The following USP6NL variants were observed in gnomAD, a reference collection of about 807,000 sequenced individuals.
USP6NL encodes the protein USP6 N-terminal like.
USP6NL carries 26 observed loss-of-function variants against 61.9 expected under a neutral mutation model. The observed-to-expected ratio is 0.42, with a 90% CI of 0.31 to 0.58. The LOEUF is 0.58. Among genes scored for constraint, USP6NL ranks in the 20% least tolerant of loss-of-function variants. USP6NL has a pLI of 0.16. For synonymous variants in USP6NL, 432 were observed against 390.1 expected (o/e 1.11, Z -1.27); for missense variants, 1,114 against 1,034.3 (o/e 1.08, Z -1.06).
At chr10:11,556,400 G>A (rs976060665) in intron 2 of USP6NL, among the ~76,000 whole-genome samples, 1 of 152,082 alleles carries the variant, frequency 6.6e-6, no homozygotes, top group Non-Finnish European at 1.5e-5. Context: ...TAGAAAGATA[G>A]AAACAGAAAG....
rs1199262626 is a variant in USP6NL at position 11,463,492 on chromosome 10, A to G, written c.1436T>C (p.Ile479Thr). The change falls in exon 15 of 15, where the codon ATC becomes ACC. Residue 479 changes from isoleucine to threonine, a missense_variant. Ile to Thr is a moderately conservative substitution (Grantham distance 89, BLOSUM62 -1). Transcript: ENST00000609104. The surrounding 1 kb of genome is among the most constrained non-coding windows in gnomAD (Gnocchi z 6.3). ...ANQNSNATSN[I>T]RKEFVPKWNK... ...CCATTTGGGCACAAACTCCTTCCTG[A>G]TATTTGAAGTGGCGTTGCTATTTTG... 3 of 1,613,890 alleles carry G rather than the reference A, an allele frequency of 1.9e-6. No homozygotes were observed. The highest frequency in any genetic ancestry group is 2.5e-6 in the Non-Finnish European group (3 of 1,179,866).
At chr10:11,486,057 A>G (rs1833454091) in intron 10 of USP6NL, 146 bp from the exon 11 acceptor site, 1 of 554,546 alleles carries the variant, frequency 1.8e-6, no homozygotes. Context: ...CCCACCTAGG[A>G]AAAAACTGTA....
intron 2 of USP6NL, among the ~76,000 whole-genome samples, chr10:11,543,803 G>GGTTTT: frequency 1.3e-5 from 1 of 76,392 alleles, no homozygotes; most frequent in Non-Finnish European, 2.5e-5. Context: ...AAATATTTAG[G>GGTTTT]TTTTTTTTTT....
chr10:11,464,144 A>C (rs1257551798), intron 14 of USP6NL, among the ~76,000 whole-genome samples: 1 of 152,250 alleles, frequency 6.6e-6, no homozygotes, highest in Non-Finnish European at 1.5e-5. Context: ...TCCTCTGAGC[A>C]TGGGCCTTGA....
intron 2 of USP6NL, among the ~76,000 whole-genome samples, chr10:11,543,806 T>TC: frequency 8.7e-6 from 1 of 114,524 alleles, no homozygotes; most frequent in Non-Finnish European, 1.8e-5. Context: ...TATTTAGGTT[T>TC]TTTTTTTTTT....
chr10:11,565,112 A>G (rs1281788657), intron 2 of USP6NL: 1 of 152,236 alleles, frequency 6.6e-6, no homozygotes, highest in Non-Finnish European at 1.5e-5. Context: ...TTTAAAGTGA[A>G]AAATAACCTA....
chr10:11,570,655 A>C (rs915846229), intron 2 of USP6NL, among the ~76,000 whole-genome samples: 1 of 152,246 alleles, frequency 6.6e-6, no homozygotes, highest in Non-Finnish European at 1.5e-5. Context: ...AATAAACATG[A>C]GGCTTTTAAA....
In USP6NL at chr10:11,520,059, G is replaced by C. The variant is rs1378346173; in HGVS notation, c.156-1485C>G. ...ACACAAAAGAATAACCGCCAAAAGA[G>C]ATCTTAGAGTCCAAATCTCTCATTT... On this transcript the variant is annotated intron_variant, in intron 4 of 14. Coordinates refer to ENST00000609104, the MANE Select transcript of USP6NL (RefSeq NM_014688.5). This position sits in a 1 kb window ranked among gnomAD's most constrained non-coding sequence, Gnocchi z 5.2. Among the ~76,000 whole-genome samples the C allele has an allele frequency of 6.6e-6, 1 of 152,172 alleles. No individual in the cohort carries two copies. Among genetic ancestry groups the C allele is most frequent in the Non-Finnish European group, 1.5e-5 (1 of 68,036 alleles).
intron 2 of USP6NL, among the ~76,000 whole-genome samples, chr10:11,545,127 A>G (rs1298519651): frequency 1.3e-5 from 2 of 152,174 alleles, no homozygotes; most frequent in African/African-American, 4.8e-5. Flanking sequence ...ATAAATTTTT[A>G]AACAATTGTA....
Position 11,524,893 on chromosome 10 carries a change from T to C in USP6NL, c.155+493A>G, listed in dbSNP as rs541420460. Among the ~76,000 whole-genome samples the C allele has an allele frequency of 3.3e-5, 5 of 152,314 alleles. No individual in the cohort carries two copies. The South Asian group carries it at 8.3e-4, about 25-fold the overall frequency. On this transcript the variant is annotated intron_variant, in intron 4 of 14. Transcript: ENST00000609104. The stretch of plus-strand genomic sequence containing the variant: ...TTTAACTGCTTTACTTTATGTGATC[T>C]AGACCTCTCTCTTTATATAACATAT...
intron 2 of USP6NL, among the ~76,000 whole-genome samples, chr10:11,536,728 C>G (rs1835848676): frequency 6.6e-6 from 1 of 152,164 alleles, no homozygotes; most frequent in South Asian, 2.1e-4. Flanking sequence ...TCCCCGCGGT[C>G]CAACCCAATC....
rs1428500764 is a variant in USP6NL, at chr10:11,574,044, A to G, written c.4+23587T>C. 6.6e-6 allele frequency among the ~76,000 whole-genome samples: 1 copy of G among 152,222 alleles called. No individual in the cohort carries two copies. The highest frequency in any genetic ancestry group is 1.5e-5 in the Non-Finnish European group (1 of 68,032). On this transcript the variant is annotated intron_variant, in intron 2 of 14. Transcript: ENST00000609104. This position sits in a 1 kb window ranked among gnomAD's most constrained non-coding sequence, Gnocchi z 4.3. ...GTGAAAACATTTTCTCACAAAAGCCATGACAGAAAAAATAAAGTGCTCTGC... is the reference window on the plus strand; with the variant it reads ...GTGAAAACATTTTCTCACAAAAGCCGTGACAGAAAAAATAAAGTGCTCTGC...
intron 5 of USP6NL, among the ~76,000 whole-genome samples, chr10:11,517,865 T>C (rs140467702): frequency 1.3e-5 from 2 of 152,316 alleles, no homozygotes; most frequent in African/African-American, 4.8e-5. Flanking sequence ...CCCACTTTCA[T>C]TCTACAGTTC....
In USP6NL at chr10:11,462,716, C is replaced by T. The variant is rs143605121; in HGVS notation, c.2212G>A (p.Glu738Lys). Residue 738 changes from glutamate (E) to lysine (K), a missense_variant, in exon 15 of 15, where the codon GAA becomes AAA. By Grantham distance (56) the Glu-to-Lys change is moderately conservative. Coordinates refer to ENST00000609104, the MANE Select transcript of USP6NL (RefSeq NM_014688.5). ...TCAGGTCTGTATGTATAACTAACTT[C>T]TGACCATGTTCTGTTATCTGGCAAG... is the stretch of plus-strand genomic sequence containing the variant. ...DYLPDNRTWS[E>K]VSYTYRPETQ... is the part of the protein sequence containing the mutation. 172 of 1,614,034 alleles carry T rather than the reference C, an allele frequency of 1.1e-4. No individual in the cohort carries two copies. The African/African-American group carries it at 1.9e-3, about 18-fold the overall frequency.
intron 4 of USP6NL, among the ~76,000 whole-genome samples, chr10:11,523,319 G>C (rs1427427362): frequency 6.6e-6 from 1 of 152,210 alleles, no homozygotes; most frequent in Admixed American, 6.5e-5. Flanking sequence ...ACTGGGGAAT[G>C]TCTTCCCACC....
intron 2 of USP6NL, chr10:11,565,267 A>C (rs1457225319): frequency 2.6e-5 from 4 of 152,362 alleles, no homozygotes; most frequent in Non-Finnish European, 5.9e-5. Flanking sequence ...CCACAGAAAG[A>C]AGCAACATAG....
At chr10:11,581,935 G>A (rs757625221) in intron 2 of USP6NL, among the ~76,000 whole-genome samples, 3 of 152,064 alleles carry the variant, frequency 2.0e-5, no homozygotes, top group Non-Finnish European at 4.4e-5. Flanking sequence ...ACCACGCCGG[G>A]CTAATTTTTG....
intron 14 of USP6NL, among the ~76,000 whole-genome samples, chr10:11,466,650 T>C (rs188836530): frequency 6.6e-6 from 1 of 152,338 alleles, no homozygotes; most frequent in African/African-American, 2.4e-5. Context: ...CATCACTTAA[T>C]GACAGGCATA....
At chr10:11,541,458 G>C (rs1836065872) in intron 2 of USP6NL, among the ~76,000 whole-genome samples, 4 of 151,618 alleles carry the variant, frequency 2.6e-5, no homozygotes, top group Admixed American at 1.3e-4. Flanking sequence ...GAGAAAATTG[G>C]TAGGTTAACT....
Sources: gnomAD v4.1 joint callset for allele counts (sites outside exome capture counted in the v4.1 genomes callset) on GRCh38, gnomAD v4.1.1 for gene constraint, Gnocchi (gnomAD v3.1) non-coding constraint, MANE v1.5 for transcripts, NCBI Gene and HGNC (gene_info 2026-07-23, HGNC 2026-07-21) for gene names.